The following RGS7 variants were observed in gnomAD, a reference collection of about 807,000 sequenced individuals.
RGS7 encodes regulator of G-protein signaling 7.
In RGS7, 27 loss-of-function variants were observed where a neutral mutation model predicts 81.1. The ratio of observed to expected loss-of-function variants is 0.33; its 90% CI spans 0.25 to 0.46. The LOEUF (loss-of-function observed/expected upper bound fraction) is 0.46. Ranked by LOEUF, RGS7 falls within the 20% of genes least tolerant of loss-of-function variation. The pLI is 1.00. For synonymous variants in RGS7, 208 were observed against 207.7 expected, an observed-to-expected ratio of 1.00 and a Z score of -0.01; for missense variants, 396 against 607.4, an observed-to-expected ratio of 0.65 and a Z score of 3.66.
At chr1:241,154,220 G>A (rs1206838481) in intron 2 of RGS7, among the ~76,000 whole-genome samples, 1 of 152,140 alleles carries the variant, frequency 6.6e-6, no homozygotes, top group Non-Finnish European at 1.5e-5. Context: ...GTGGAGGCTC[G>A]CTCTTCTGGG....
rs112028641 is a variant in RGS7, at chr1:241,187,605, G to A, written c.79-88843C>T. On this transcript the variant is annotated intron_variant, in intron 2 of 18. Transcript: ENST00000440928. ...CAGCTCAATAAAGCTCTAATATGCA[G>A]TACAGCTCAATAAAGGTGGAATGCC... 1.1e-3 allele frequency among the ~76,000 whole-genome samples: 168 copies of A among 152,260 alleles called. 1 individual carries two copies. The highest frequency in any genetic ancestry group is 3.6e-3 in the African/African-American group (151 of 41,568).
chr1:240,931,621 A>G (rs562378342), intron 5 of RGS7, among the ~76,000 whole-genome samples: 23 of 152,308 alleles, frequency 1.5e-4, no homozygotes, highest in African/African-American at 5.5e-4. Context: ...CAAAAAATAA[A>G]TAAAAATAGA....
At chr1:241,101,576 C>T (rs575721141) in intron 2 of RGS7, among the ~76,000 whole-genome samples, 24 of 151,906 alleles carry the variant, frequency 1.6e-4, no homozygotes, top group Admixed American at 7.2e-4. Context: ...CCAACAATAA[C>T]CAAATACCAA....
intron 2 of RGS7, among the ~76,000 whole-genome samples, chr1:241,282,223 TC>T (rs1395994855): frequency 2.0e-5 from 3 of 152,206 alleles, no homozygotes; most frequent in Non-Finnish European, 4.4e-5. Context: ...CATGTTTAGC[TC>T]CCACTTATAA....
At chr1:241,310,001 A>G (rs1016045813) in intron 2 of RGS7, among the ~76,000 whole-genome samples, 3 of 152,202 alleles carry the variant, frequency 2.0e-5, no homozygotes, top group African/African-American at 7.2e-5. Flanking sequence ...TTGGAACACT[A>G]TGGTCGGTGC....
intron 3 of RGS7, among the ~76,000 whole-genome samples, chr1:240,990,590 AAT>A (rs753464829): frequency 2.0e-5 from 3 of 152,246 alleles, no homozygotes; most frequent in Non-Finnish European, 2.9e-5. Context: ...AATAACATGT[AAT>A]TGAGTATTGT....
At chr1:241,203,948 T>C (rs1490291602) in intron 2 of RGS7, among the ~76,000 whole-genome samples, 2 of 152,192 alleles carry the variant, frequency 1.3e-5, no homozygotes, top group East Asian at 1.9e-4. Context: ...TAAAAACTTA[T>C]CTTCCCGAAA....
intron 2 of RGS7, among the ~76,000 whole-genome samples, chr1:241,150,526 G>A (rs896901671): frequency 6.6e-6 from 1 of 152,188 alleles, no homozygotes; most frequent in Non-Finnish European, 1.5e-5. Context: ...ATTAAAATAA[G>A]GCTTATTTGG....
rs34587479 is a variant in RGS7 at position 241,018,133 on chromosome 1, A to ATT, written c.176-35006_176-35005dup. 6.3e-3 allele frequency among the ~76,000 whole-genome samples: 723 copies of ATT among 114,402 alleles called. 6 individuals carry two copies. Among genetic ancestry groups the ATT allele is most frequent in the African/African-American group, 0.016 (442 of 28,090 alleles). 75.1% of individuals were successfully genotyped at this position (114,402 alleles called of 152,430 possible). ...AGGCATGCACCACCATGCCCAGCTA[A>ATT]TTTTTTTTTTTTTTTTTTTTTTTGT... is the stretch of plus-strand genomic sequence containing the variant. On this transcript the variant is annotated intron_variant, in intron 3 of 18. Coordinates refer to ENST00000440928, the MANE Select transcript of RGS7 (RefSeq NM_001364886.1).
chr1:241,066,837 T>C lies in RGS7; in HGVS notation c.175+31829A>G, dbSNP rs184076646. Among the ~76,000 whole-genome samples the C allele has an allele frequency of 1.5e-3, 232 of 152,352 alleles. 2 individuals are homozygous for C. The highest frequency in any genetic ancestry group is 5.3e-3 in the African/African-American group (222 of 41,588). On this transcript the variant is annotated intron_variant, in intron 3 of 18. Transcript: ENST00000440928. ...ACCTACTAGGCCCTTTAGCTCGCTA[T>C]GTGAGGAAATAAGATAGAATCTTCA...
chr1:240,795,422 C>T (rs1016946144), intron 18 of RGS7, among the ~76,000 whole-genome samples: 15 of 152,152 alleles, frequency 9.9e-5, no homozygotes, highest in Non-Finnish European at 1.9e-4. Context: ...ACATCTGATT[C>T]CCACCTTCCA....
intron 10 of RGS7, among the ~76,000 whole-genome samples, chr1:240,824,129 C>T (rs78564526): frequency 0.026 from 3,915 of 152,214 alleles, 175 homozygotes; most frequent in African/African-American, 0.088. Context: ...GCAAAGCCTT[C>T]GCTTCCTATA....
intron 9 of RGS7, among the ~76,000 whole-genome samples, chr1:240,837,026 C>T (rs996726915): frequency 6.6e-6 from 1 of 152,220 alleles, no homozygotes; most frequent in Non-Finnish European, 1.5e-5. Context: ...GTACCATTCT[C>T]AAAGAGCAAC....
intron 16 of RGS7, 147 bp from the exon 17 acceptor site, chr1:240,801,655 G>T (rs528373638): frequency 2.9e-6 from 2 of 697,534 alleles, no homozygotes; most frequent in African/African-American, 1.8e-5. Context: ...GCCCATAGAG[G>T]TTGGAGAGCC....
chr1:240,996,242 G>T (rs1462591225), intron 3 of RGS7, among the ~76,000 whole-genome samples: 1 of 152,104 alleles, frequency 6.6e-6, no homozygotes, highest in East Asian at 1.9e-4. Context: ...ATGGGAACTT[G>T]AGACCATGAA....
intron 10 of RGS7, among the ~76,000 whole-genome samples, chr1:240,817,707 A>T (rs760596150): frequency 1.3e-5 from 2 of 151,090 alleles, no homozygotes; most frequent in Non-Finnish European, 2.9e-5. Flanking sequence ...GGTTCAAGTG[A>T]CTCTCTTGCC....
At chr1:240,935,820 G>A (rs898160415) in intron 5 of RGS7, among the ~76,000 whole-genome samples, 3 of 152,166 alleles carry the variant, frequency 2.0e-5, no homozygotes, top group Non-Finnish European at 4.4e-5. Context: ...GTTGGACTGT[G>A]GGGAGAACCC....
At chr1:240,845,612 T>G (rs1001460142) in intron 9 of RGS7, among the ~76,000 whole-genome samples, 3 of 152,204 alleles carry the variant, frequency 2.0e-5, no homozygotes, top group African/African-American at 7.2e-5. Context: ...TGCTTTCTCT[T>G]ATTTGTTAAT....
At chr1:241,178,807 T>G (rs1185973306) in intron 2 of RGS7, among the ~76,000 whole-genome samples, 1 of 152,206 alleles carries the variant, frequency 6.6e-6, no homozygotes, top group African/African-American at 2.4e-5. Context: ...ACTCAAGATG[T>G]GTGGGATTAT....
Sources: gnomAD v4.1 joint callset for allele counts (sites outside exome capture counted in the v4.1 genomes callset) on GRCh38, gnomAD v4.1.1 for gene constraint, MANE v1.5 for transcripts, NCBI Gene and HGNC (gene_info 2026-07-23, HGNC 2026-07-21) for gene names.